The following GCLC variants were observed in gnomAD, a reference collection of about 807,000 sequenced individuals.
GCLC encodes the protein glutamate-cysteine ligase catalytic subunit.
Under a neutral mutation model 81.5 loss-of-function variants are expected in GCLC, and 30 were observed. That is an observed-to-expected ratio of 0.37 (90% CI 0.28 to 0.50). GCLC has a LOEUF of 0.50. Among genes scored for constraint, GCLC ranks in the 20% least tolerant of loss-of-function variants. GCLC has a pLI of 0.96. For synonymous variants in GCLC, 262 were observed against 273.3 expected (o/e 0.96, Z 0.41); for missense variants, 556 against 777.4 (o/e 0.72, Z 3.39).
intron 6 of GCLC, 26 bp from the exon 7 acceptor site, chr6:53,509,276 A>T (rs1305698034): frequency 7.3e-7 from 1 of 1,373,060 alleles, no homozygotes; most frequent in Non-Finnish European, 1.0e-6. Flanking sequence ...AAAGTTATTA[A>T]CACCAAGGAA....
At chr6:53,523,007 T>A (rs1763024081) in intron 1 of GCLC, among the ~76,000 whole-genome samples, 1 of 152,198 alleles carries the variant, frequency 6.6e-6, no homozygotes, top group Non-Finnish European at 1.5e-5. Flanking sequence ...CCACTACCAG[T>A]CCCACTTTTG....
chr6:53,503,173 C>A (rs1052008144), intron 12 of GCLC: 2 of 152,188 alleles, frequency 1.3e-5, no homozygotes, highest in Non-Finnish European at 2.9e-5. Context: ...ACCCTCATAA[C>A]TGGTATTACG....
chr6:53,538,205 G>A (rs562223458), intron 1 of GCLC, among the ~76,000 whole-genome samples: 20 of 131,426 alleles, frequency 1.5e-4, no homozygotes, highest in Non-Finnish European at 2.0e-4. Context: ...CCAAAGTGCA[G>A]TAGTGGCATG....
Position 53,509,705 on chromosome 6 carries a change from G to A in GCLC, c.754-455C>T, listed in dbSNP as rs1764696898. ...ACTCTGTCGCCCAGGCTGGGGTGCA[G>A]TGGCGCGCTCTCGGCTCACTGAAAG... On this transcript the variant is annotated intron_variant, in intron 6 of 15. Transcript: ENST00000650454. The A allele has an allele frequency of 5.7e-5, 12 of 209,292 alleles. No homozygotes were observed. In the South Asian group the frequency reaches 9.0e-4, roughly 16 times the overall value. The allele number at this position is 209,292 out of a possible 1,614,324, so 13.0% of individuals were successfully genotyped here.
chr6:53,499,947 A>G (rs1764474056), intron 15 of GCLC, 98 bp downstream of exon 15: 1 of 867,424 alleles, frequency 1.2e-6, no homozygotes, highest in African/African-American at 1.7e-5. Context: ...CTGTGCATGA[A>G]TACAGCATTA....
intron 1 of GCLC, among the ~76,000 whole-genome samples, chr6:53,530,414 C>T (rs918619231): frequency 2.0e-5 from 3 of 152,184 alleles, no homozygotes; most frequent in African/African-American, 7.2e-5. Flanking sequence ...ATCTCCTTCC[C>T]TGCCATATTT....
chr6:53,529,846 T>C (rs1763143452), intron 1 of GCLC, among the ~76,000 whole-genome samples: 1 of 152,224 alleles, frequency 6.6e-6, no homozygotes, highest in Non-Finnish European at 1.5e-5. Flanking sequence ...CTGCAGCGGT[T>C]CCCTCTAGGT....
chr6:53,537,306 T>C (rs964988746), intron 1 of GCLC, among the ~76,000 whole-genome samples: 6 of 152,258 alleles, frequency 3.9e-5, no homozygotes, highest in African/African-American at 1.2e-4. Flanking sequence ...CAATAAATGC[T>C]GTTGAATCAA....
intron 8 of GCLC, among the ~76,000 whole-genome samples, 175 bp from the exon 9 acceptor site, chr6:53,507,793 A>G (rs1290499343): frequency 6.6e-6 from 1 of 152,134 alleles, no homozygotes; most frequent in East Asian, 1.9e-4. Context: ...CAATTTAAAT[A>G]CCCTTTTTTT....
intron 1 of GCLC, among the ~76,000 whole-genome samples, chr6:53,525,960 C>T (rs1763074392): frequency 6.6e-6 from 1 of 152,136 alleles, no homozygotes. Context: ...ACTATTTTTA[C>T]AAATGAAAAT....
chr6:53,504,898 G>A (rs751034664), intron 12 of GCLC, among the ~76,000 whole-genome samples: 1 of 152,258 alleles, frequency 6.6e-6, no homozygotes, highest in East Asian at 1.9e-4. Flanking sequence ...CACCTCCTCA[G>A]CTACTGCTCC....
chr6:53,544,748 C>A lies in GCLC; in HGVS notation c.-103G>T. ...CGCCCGCAGAAGGCGGCTGCCGCTCCACCCCGCGGGGGCGCTCTCGGGCCG... is the reference window on the plus strand; with the variant it reads ...CGCCCGCAGAAGGCGGCTGCCGCTCAACCCCGCGGGGGCGCTCTCGGGCCG... On this transcript the variant is annotated 5_prime_UTR_variant, in exon 1 of 16. Coordinates refer to ENST00000650454, the MANE Select transcript of GCLC (RefSeq NM_001498.4). 8.4e-7 allele frequency: 1 copy of A among 1,196,252 alleles called. No homozygotes were observed. Among genetic ancestry groups the A allele is most frequent in the Non-Finnish European group, 1.1e-6 (1 of 879,424 alleles). The allele number at this position is 1,196,252 out of a possible 1,614,324, so 74.1% of individuals were successfully genotyped here. A position where few individuals can be genotyped will look rare whatever the true frequency, so the allele number is the denominator to read the frequency against.
At chr6:53,502,725 T>C (rs1018059289) in intron 12 of GCLC, among the ~76,000 whole-genome samples, 4 of 152,226 alleles carry the variant, frequency 2.6e-5, no homozygotes, top group Non-Finnish European at 5.9e-5. Context: ...TTTTATATTA[T>C]CTGTTTCAGC....
intron 1 of GCLC, chr6:53,522,923 G>A: frequency 4.4e-6 from 1 of 229,262 alleles, no homozygotes; most frequent in South Asian, 6.4e-5. Flanking sequence ...AGGTTATCTG[G>A]ACATTCCAGT....
At chr6:53,501,575 C>T (rs971329723) in intron 12 of GCLC, among the ~76,000 whole-genome samples, 1 of 152,048 alleles carries the variant, frequency 6.6e-6, no homozygotes, top group Non-Finnish European at 1.5e-5. Context: ...AGTTAGAGGG[C>T]CAGGCTGACA....
intron 1 of GCLC, among the ~76,000 whole-genome samples, chr6:53,532,768 T>C (rs1763194291): frequency 6.6e-6 from 1 of 151,166 alleles, no homozygotes. Flanking sequence ...AAACAGAATC[T>C]TGGGGGAGGG....
chr6:53,543,468 T>C (rs1009782526), intron 1 of GCLC, among the ~76,000 whole-genome samples: 5 of 152,106 alleles, frequency 3.3e-5, no homozygotes, highest in Non-Finnish European at 5.9e-5. Context: ...AACTAACTTT[T>C]TGAAAGGAGA....
rs537590679 is a variant in GCLC at position 53,504,217 on chromosome 6, G to A, written c.1395+1175C>T. ...TTTTAAAAAATAGTAATTCTTTCCAGTTGCTTTTTTTTTTCAAGAGATGGG... is the reference window on the plus strand; with the variant it reads ...TTTTAAAAAATAGTAATTCTTTCCAATTGCTTTTTTTTTTCAAGAGATGGG... On this transcript the variant is annotated intron_variant, in intron 12 of 15. Coordinates refer to ENST00000650454, the MANE Select transcript of GCLC (RefSeq NM_001498.4). 7.1e-4 allele frequency among the ~76,000 whole-genome samples: 89 copies of A among 125,908 alleles called. No individual in the cohort carries two copies. The East Asian group carries it at 0.023, about 33-fold the overall frequency. 82.6% of individuals were successfully genotyped at this position (125,908 alleles called of 152,430 possible).
chr6:53,508,685 A>C lies in GCLC; in HGVS notation c.855T>G (p.Phe285Leu). Residue 285 changes from phenylalanine (F) to leucine (L), a missense_variant, in exon 8 of 16, where the codon TTT (phenylalanine) becomes TTG (leucine). Transcript: ENST00000650454. The stretch of plus-strand genomic sequence containing the variant: ...CAATGTCTGACACATAGCCTCGGTA[A>C]AAGGGAGATGCAGCACTCAAAGCCA... Reference protein sequence around the residue: ...IVMALSAASPFYRGYVSDIDC... With the variant: ...IVMALSAASPLYRGYVSDIDC... The C allele has an allele frequency of 6.2e-7, 1 of 1,613,414 alleles. No individual in the cohort carries two copies. Among genetic ancestry groups the C allele is most frequent in the Non-Finnish European group, 8.5e-7 (1 of 1,179,334 alleles).
Sources: allele counts gnomAD v4.1 joint callset (sites outside exome capture counted in the v4.1 genomes callset), GRCh38; gene constraint gnomAD v4.1.1; transcripts MANE v1.5; gene names NCBI Gene and HGNC (gene_info 2026-07-23, HGNC 2026-07-21).